DOCK2: variants seen among roughly 807,000 people sequenced by gnomAD.
DOCK2 encodes dedicator of cytokinesis 2, also known as dedicator of cytokinesis protein 2.
DOCK2 carries 87 observed loss-of-function variants against 248.9 expected under a neutral mutation model. The observed-to-expected ratio is 0.35, with a 90% confidence interval of 0.29 to 0.42. DOCK2 has a LOEUF of 0.42. Ranked by LOEUF, DOCK2 falls within the 10% of genes least tolerant of loss-of-function variation. DOCK2 has a pLI of 1.00. For missense variants in DOCK2, 1,747 were observed against 2,300.2 expected (o/e 0.76, Z 4.92); for synonymous variants, 805 against 821.6 (o/e 0.98, Z 0.35).
At chr5:169,802,994 A>T in intron 25 of DOCK2, 64 bp from the exon 26 acceptor site, 1 of 1,567,092 alleles carries the variant, frequency 6.4e-7, no homozygotes. Context: ...TTGTATGCAT[A>T]TATGAAAGAA....
intron 27 of DOCK2, among the ~76,000 whole-genome samples, chr5:169,845,555 C>T (rs1387130469): frequency 6.6e-6 from 1 of 152,152 alleles, no homozygotes; most frequent in African/African-American, 2.4e-5. Context: ...CCTGAAAATG[C>T]TGTCATTTCT....
chr5:170,042,999 G>T (rs1451108652), intron 38 of DOCK2, among the ~76,000 whole-genome samples: 2 of 152,210 alleles, frequency 1.3e-5, no homozygotes, highest in East Asian at 3.9e-4. Flanking sequence ...ATGGATAAAT[G>T]ACATGCAGTG....
At position 169,783,482 on chromosome 5, in the gene DOCK2, A is replaced by G. The variant is rs559898132; in HGVS notation, c.2555-19576A>G. On this transcript the variant is annotated intron_variant, in intron 25 of 51. Coordinates refer to ENST00000520908, the MANE Select transcript of DOCK2 (RefSeq NM_004946.3). ...TAGTGGGGTTAAATGTGAATATTAA[A>G]TAACAATGCTCAACACAGTCCCTGA... Among the ~76,000 whole-genome samples the G allele has an allele frequency of 2.6e-5, 4 of 152,338 alleles. No homozygotes were observed. In the South Asian group the frequency reaches 8.3e-4, roughly 32 times the overall value.
intron 27 of DOCK2, among the ~76,000 whole-genome samples, chr5:169,856,926 G>A (rs1770928500): frequency 6.6e-6 from 1 of 152,186 alleles, no homozygotes. Context: ...TTTGTCAGGA[G>A]CAAACATATG....
At chr5:170,014,513 G>A (rs1023093979) in intron 32 of DOCK2, among the ~76,000 whole-genome samples, 1 of 151,830 alleles carries the variant, frequency 6.6e-6, no homozygotes, top group African/African-American at 2.4e-5. Flanking sequence ...TTTTACACTT[G>A]CAGCACATTT....
intron 9 of DOCK2, among the ~76,000 whole-genome samples, chr5:169,691,149 G>A (rs1760274501): frequency 6.6e-6 from 1 of 152,140 alleles, no homozygotes. Flanking sequence ...TGTGACCAGA[G>A]CAGGAACAAG....
At chr5:169,986,394 G>T (rs1408304141) in intron 29 of DOCK2, among the ~76,000 whole-genome samples, 1 of 152,060 alleles carries the variant, frequency 6.6e-6, no homozygotes, top group African/African-American at 2.4e-5. Flanking sequence ...CATTCCATTT[G>T]CCCATCCATT....
chr5:170,069,830 C>T (rs541263438), intron 46 of DOCK2, among the ~76,000 whole-genome samples: 3 of 152,110 alleles, frequency 2.0e-5, no homozygotes, highest in African/African-American at 7.2e-5. Flanking sequence ...TCTTTGCATC[C>T]CTCTTCTTCC....
Position 169,747,411 on chromosome 5 carries a change from A to G in DOCK2, c.2283A>G (p.Lys761=), listed in dbSNP as rs779859283. 1 of 1,612,940 alleles carries G rather than the reference A, an allele frequency of 6.2e-7. No individual in the cohort carries two copies. Among genetic ancestry groups the G allele is most frequent in the Non-Finnish European group, 8.5e-7 (1 of 1,179,536 alleles). ...CTTGTTTCAGGCTTTATGAAGGCAA[A>G]GAACAGATGGAGTTTGAAGAATCCA... ...RTLFSQLYEG[K]EQMEFEESMR... is the part of the protein sequence containing the mutation. The change falls in exon 23 of 52, where the codon AAA becomes AAG. Residue 761 remains lysine (K), a synonymous_variant. Transcript: ENST00000520908.
chr5:169,902,646 C>T (rs1773993610), intron 27 of DOCK2, among the ~76,000 whole-genome samples: 1 of 152,308 alleles, frequency 6.6e-6, no homozygotes, highest in Middle Eastern at 3.4e-3. Flanking sequence ...TGGCATGATG[C>T]TGAGTGTTCC....
intron 27 of DOCK2, among the ~76,000 whole-genome samples, chr5:169,930,628 G>A (rs575115983): frequency 1.3e-5 from 2 of 152,330 alleles, no homozygotes; most frequent in Non-Finnish European, 2.9e-5. Context: ...AATAACGGTA[G>A]ACAAGGATGA....
At chr5:169,649,011 C>T (rs1411291929) in intron 1 of DOCK2, among the ~76,000 whole-genome samples, 1 of 152,240 alleles carries the variant, frequency 6.6e-6, no homozygotes, top group African/African-American at 2.4e-5. Context: ...AGGATGCTGC[C>T]TCAGTGCGGA....
chr5:169,901,554 A>G (rs1313454812), intron 27 of DOCK2, among the ~76,000 whole-genome samples: 1 of 152,170 alleles, frequency 6.6e-6, no homozygotes, highest in Admixed American at 6.5e-5. Context: ...AAGCAGGATG[A>G]ACCAGTGGGG....
chr5:169,821,881 G>C (rs1198267392), intron 26 of DOCK2, among the ~76,000 whole-genome samples: 1 of 152,120 alleles, frequency 6.6e-6, no homozygotes, highest in African/African-American at 2.4e-5. Flanking sequence ...CCCATCTCAC[G>C]TGCAGAGACA....
At chr5:169,848,668 G>C (rs1169265044) in intron 27 of DOCK2, among the ~76,000 whole-genome samples, 1 of 152,180 alleles carries the variant, frequency 6.6e-6, no homozygotes, top group Admixed American at 6.5e-5. Context: ...CTTTATTTTG[G>C]GTAGTTAAAA....
chr5:170,077,876 C>A (rs750955848), intron 48 of DOCK2, 39 bp downstream of exon 48: 2 of 1,586,258 alleles, frequency 1.3e-6, no homozygotes, highest in Admixed American at 1.7e-5. Context: ...CACACCCCTG[C>A]CTCCCTGGCT....
At chr5:169,819,629 CA>C (rs772595536) in intron 26 of DOCK2, among the ~76,000 whole-genome samples, 1 of 152,042 alleles carries the variant, frequency 6.6e-6, no homozygotes, top group Non-Finnish European at 1.5e-5. Context: ...TCGAAAAAAA[CA>C]AAACAGATTG....
chr5:169,980,823 G>T (rs1054426918), intron 27 of DOCK2: 5 of 152,248 alleles, frequency 3.3e-5, no homozygotes, highest in Non-Finnish European at 7.3e-5. Flanking sequence ...GCAGGAAAAA[G>T]AATTTGACTC....
At chr5:169,748,318 A>T (rs1426437208) in intron 23 of DOCK2, among the ~76,000 whole-genome samples, 1 of 152,176 alleles carries the variant, frequency 6.6e-6, no homozygotes, top group Non-Finnish European at 1.5e-5. Flanking sequence ...AGCCTGGGGA[A>T]TGTTTGCTTC....
Sources: gnomAD v4.1 joint callset for allele counts (sites outside exome capture counted in the v4.1 genomes callset) on GRCh38, gnomAD v4.1.1 for gene constraint, MANE v1.5 for transcripts, NCBI Gene and HGNC (gene_info 2026-07-23, HGNC 2026-07-21) for gene names.